The following OTUD7A variants were observed in gnomAD, a reference collection of about 807,000 sequenced individuals.
OTUD7A encodes the protein OTU deubiquitinase 7A, also known as OTU domain-containing protein 7A.
A neutral mutation model predicts 65.7 loss-of-function variants in OTUD7A; 12 were observed. The observed-to-expected ratio is 0.18, with a 90% CI of 0.12 to 0.30. The LOEUF (loss-of-function observed/expected upper bound fraction) is 0.30, where lower values mean the gene tolerates loss of function less well. Ranked by LOEUF, OTUD7A falls within the 10% of genes least tolerant of loss-of-function variation. OTUD7A has a pLI of 1.00. For missense variants in OTUD7A, 1,148 were observed against 1,304.8 expected (o/e 0.88, Z 1.85); for synonymous variants, 641 against 586.3 (o/e 1.09, Z -1.35).
chr15:31,833,892 T>C (rs1198191926), intron 1 of OTUD7A, among the ~76,000 whole-genome samples: 2 of 152,232 alleles, frequency 1.3e-5, no homozygotes, highest in Non-Finnish European at 2.9e-5. Context: ...ATAGAGAAGA[T>C]GGCCCTGGAG....
chr15:31,592,621 CT>C (rs1889761383), intron 3 of OTUD7A, among the ~76,000 whole-genome samples: 1 of 151,812 alleles, frequency 6.6e-6, no homozygotes, highest in South Asian at 2.1e-4. Context: ...TGGCTCACGC[CT>C]GTAATCCCAG....
chr15:31,605,742 AC>A (rs1302461025), intron 3 of OTUD7A, among the ~76,000 whole-genome samples: 1 of 152,134 alleles, frequency 6.6e-6, no homozygotes. Flanking sequence ...TACGTAAGCA[AC>A]TCCAGTGACT....
chr15:31,596,177 T>C (rs1378556871), intron 3 of OTUD7A, among the ~76,000 whole-genome samples: 1 of 152,184 alleles, frequency 6.6e-6, no homozygotes, highest in African/African-American at 2.4e-5. Context: ...GGGACATCTG[T>C]AGAATCTTGT....
chr15:31,631,101 T>A (rs1489420663), intron 3 of OTUD7A, among the ~76,000 whole-genome samples: 1 of 150,270 alleles, frequency 6.7e-6, no homozygotes, highest in African/African-American at 2.4e-5. Context: ...AAAGTTAATA[T>A]TGTTATGTGT....
At chr15:31,545,408 GGTAA>G (rs1415653673) in intron 5 of OTUD7A, among the ~76,000 whole-genome samples, 3 of 152,038 alleles carry the variant, frequency 2.0e-5, no homozygotes, top group African/African-American at 7.2e-5. Context: ...GGAAAAAAAA[GGTAA>G]GTTGAACTAT....
At chr15:31,777,655 G>C (rs1430295491) in intron 1 of OTUD7A, among the ~76,000 whole-genome samples, 4 of 152,172 alleles carry the variant, frequency 2.6e-5, no homozygotes, top group South Asian at 2.1e-4. Flanking sequence ...CCCACCCTCA[G>C]CCCAGGCCCC....
chr15:31,515,950 C>CCAAT (rs2041846439), intron 8 of OTUD7A, among the ~76,000 whole-genome samples: 1 of 147,356 alleles, frequency 6.8e-6, no homozygotes, highest in African/African-American at 2.5e-5. Context: ...ATCCATCCAT[C>CCAAT]CATCCACCCA....
At chr15:31,525,738 G>A (rs1372492879) in intron 8 of OTUD7A, among the ~76,000 whole-genome samples, 1 of 152,226 alleles carries the variant, frequency 6.6e-6, no homozygotes, top group Non-Finnish European at 1.5e-5. Flanking sequence ...CCACTGGTCT[G>A]GCCACGGTCT....
At chr15:31,774,613 G>C (rs1355024859) in intron 1 of OTUD7A, among the ~76,000 whole-genome samples, 3 of 152,210 alleles carry the variant, frequency 2.0e-5, no homozygotes, top group African/African-American at 7.2e-5. Flanking sequence ...TGCATCTCCA[G>C]AGGGGGATCT....
chr15:31,540,437 C>T (rs746641104), intron 5 of OTUD7A, among the ~76,000 whole-genome samples: 3 of 152,152 alleles, frequency 2.0e-5, no homozygotes, highest in Non-Finnish European at 4.4e-5. Context: ...AGAGAGGCAG[C>T]CAGCAGACTG....
intron 1 of OTUD7A, among the ~76,000 whole-genome samples, chr15:31,772,049 G>A (rs1263382663): frequency 1.3e-5 from 2 of 151,782 alleles, no homozygotes; most frequent in Non-Finnish European, 2.9e-5. Flanking sequence ...TCAGGAGATC[G>A]AGACCATCCC....
intron 3 of OTUD7A, among the ~76,000 whole-genome samples, chr15:31,636,933 G>A (rs1420463618): frequency 6.6e-6 from 1 of 152,168 alleles, no homozygotes; most frequent in African/African-American, 2.4e-5. Flanking sequence ...GCTAGCAGAG[G>A]CTGGTTCATG....
chr15:31,789,164 A>T (rs1044013349), intron 1 of OTUD7A, among the ~76,000 whole-genome samples: 5 of 152,190 alleles, frequency 3.3e-5, no homozygotes, highest in Non-Finnish European at 5.9e-5. Context: ...AATGTCTTCT[A>T]GCAGCCACTC....
chr15:31,794,898 C>T (rs1169978848), intron 1 of OTUD7A, among the ~76,000 whole-genome samples: 1 of 152,142 alleles, frequency 6.6e-6, no homozygotes, highest in Non-Finnish European at 1.5e-5. Context: ...AAATAAAAGT[C>T]AATGTATTTA....
intron 1 of OTUD7A, among the ~76,000 whole-genome samples, chr15:31,680,315 A>C (rs1892683685): frequency 6.6e-6 from 1 of 152,080 alleles, no homozygotes; most frequent in Admixed American, 6.5e-5. Flanking sequence ...CTGAGAGAAC[A>C]CTCTAATTAT....
intron 1 of OTUD7A, among the ~76,000 whole-genome samples, chr15:31,812,634 G>A (rs916162484): frequency 6.6e-6 from 1 of 152,098 alleles, no homozygotes; most frequent in African/African-American, 2.4e-5. Context: ...ACCTACTAAT[G>A]GCTGCAATGA....
chr15:31,816,682 C>T (rs912482012), intron 1 of OTUD7A, among the ~76,000 whole-genome samples: 3 of 150,416 alleles, frequency 2.0e-5, no homozygotes, highest in Admixed American at 6.6e-5. Flanking sequence ...AGCGAGACTC[C>T]GTCTCAAAAA....
chr15:31,587,223 C>G (rs964849080), intron 3 of OTUD7A, among the ~76,000 whole-genome samples: 1 of 152,112 alleles, frequency 6.6e-6, no homozygotes. Flanking sequence ...CCATTGCCAC[C>G]CTAGGTTGGC....
intron 1 of OTUD7A, among the ~76,000 whole-genome samples, chr15:31,715,014 T>C (rs1230386977): frequency 1.2e-5 from 1 of 81,554 alleles, no homozygotes; most frequent in Non-Finnish European, 3.3e-5. Flanking sequence ...TGGGCACCTG[T>C]AGTCCCTGCT....
Sources: allele counts gnomAD v4.1 joint callset (sites outside exome capture counted in the v4.1 genomes callset), GRCh38; gene constraint gnomAD v4.1.1; transcripts MANE v1.5; gene names NCBI Gene and HGNC (gene_info 2026-07-23, HGNC 2026-07-21).